SRPK2: variants seen among roughly 807,000 people sequenced by gnomAD.
The protein encoded by SRPK2 is SRSF protein kinase 2, also known as SFRS protein kinase 2.
Under a neutral mutation model 90.8 loss-of-function variants are expected in SRPK2, and 21 were observed. The ratio of observed to expected loss-of-function variants is 0.23; its 90% confidence interval spans 0.16 to 0.33. The LOEUF (loss-of-function observed/expected upper bound fraction) is 0.33. Among genes scored for constraint, SRPK2 ranks in the 10% least tolerant of loss-of-function variants. The probability of loss-of-function intolerance (pLI) is 1.00; values close to 1 mark genes in which losing one functional copy is unlikely to be tolerated. For synonymous variants in SRPK2, 288 were observed against 311.1 expected (o/e 0.93, Z 0.78); for missense variants, 620 against 869.0 (o/e 0.71, Z 3.60).
rs756059013 is a variant in SRPK2 at position 105,303,939 on chromosome 7, C to CT, written c.71+84708dup. Among the ~76,000 whole-genome samples the CT allele has an allele frequency of 4.7e-3, 719 of 152,184 alleles. 5 individuals carry two copies. Among genetic ancestry groups the CT allele is most frequent in the Non-Finnish European group, 7.6e-3 (518 of 67,990 alleles). ...ACTGTTTTGGATCTTTTGTTAACAG[C>CT]TGAAAAAAACAGAAATATTTTGAGA... On this transcript the variant is annotated intron_variant, in intron 2 of 15. Transcript: ENST00000393651.
At chr7:105,178,193 A>G (rs552018981) in intron 3 of SRPK2, among the ~76,000 whole-genome samples, 10 of 152,276 alleles carry the variant, frequency 6.6e-5, no homozygotes, top group Non-Finnish European at 1.3e-4. Context: ...TTTAAATTAC[A>G]TTCACCACAG....
At chr7:105,249,300 T>G (rs1367347231) in intron 2 of SRPK2, among the ~76,000 whole-genome samples, 1 of 152,218 alleles carries the variant, frequency 6.6e-6, no homozygotes, top group Non-Finnish European at 1.5e-5. Context: ...TACTGGTTTT[T>G]TTAATCTACA....
At chr7:105,229,185 C>T (rs1336297575) in intron 2 of SRPK2, among the ~76,000 whole-genome samples, 5 of 152,130 alleles carry the variant, frequency 3.3e-5, no homozygotes, top group Non-Finnish European at 5.9e-5. Context: ...ATCCTTTGGC[C>T]GAGCAAGGTG....
At chr7:105,178,949 A>C (rs977415457) in intron 3 of SRPK2, among the ~76,000 whole-genome samples, 16 of 152,178 alleles carry the variant, frequency 1.1e-4, no homozygotes, top group Admixed American at 7.9e-4. Flanking sequence ...AATAATAATA[A>C]TACTATCAAA....
upstream of SRPK2, among the ~76,000 whole-genome samples, chr7:105,391,937 G>A (rs1041853615): frequency 2.0e-5 from 3 of 152,080 alleles, no homozygotes; most frequent in Non-Finnish European, 4.4e-5. Context: ...ACAGCCAAAA[G>A]GTGGAAAAAA....
intron 2 of SRPK2, among the ~76,000 whole-genome samples, chr7:105,326,489 T>C (rs1052772430): frequency 6.6e-6 from 1 of 152,222 alleles, no homozygotes; most frequent in Non-Finnish European, 1.5e-5. Flanking sequence ...GTGCACTGAT[T>C]TGCCCAATAT....
At chr7:105,170,082 T>C (rs1790614780) in intron 3 of SRPK2, among the ~76,000 whole-genome samples, 1 of 152,152 alleles carries the variant, frequency 6.6e-6, no homozygotes, top group Non-Finnish European at 1.5e-5. Context: ...CCCAAAGTGC[T>C]GGGATTATAG....
chr7:105,191,483 G>C (rs188391418), intron 3 of SRPK2, among the ~76,000 whole-genome samples: 4 of 152,178 alleles, frequency 2.6e-5, no homozygotes, highest in African/African-American at 2.4e-5. Flanking sequence ...GCTTGAGCCT[G>C]GGAGGTTGTA....
intron 7 of SRPK2, among the ~76,000 whole-genome samples, chr7:105,158,304 G>C (rs913284071): frequency 2.6e-5 from 4 of 151,474 alleles, no homozygotes; most frequent in Non-Finnish European, 5.9e-5. Flanking sequence ...GCCCAGGCTG[G>C]AGTGCAGTGG....
chr7:105,300,772 T>C (rs930117428), intron 2 of SRPK2, among the ~76,000 whole-genome samples: 2 of 152,092 alleles, frequency 1.3e-5, no homozygotes, highest in African/African-American at 4.8e-5. Flanking sequence ...AAAATGCTCA[T>C]CATCACTAGT....
chr7:105,160,831 G>A (rs1807504681), intron 6 of SRPK2, among the ~76,000 whole-genome samples: 1 of 152,144 alleles, frequency 6.6e-6, no homozygotes, highest in South Asian at 2.1e-4. Context: ...CAGGAGATTG[G>A]TTCCAGGACC....
intron 7 of SRPK2, among the ~76,000 whole-genome samples, chr7:105,158,515 A>C (rs542297984): frequency 7.4e-4 from 113 of 152,264 alleles, no homozygotes; most frequent in African/African-American, 2.5e-3. Context: ...GGCCGCCCAA[A>C]GTGCTGGGAT....
At chr7:105,130,814 A>C (rs1801894909) in intron 13 of SRPK2, among the ~76,000 whole-genome samples, 1 of 151,990 alleles carries the variant, frequency 6.6e-6, no homozygotes, top group Non-Finnish European at 1.5e-5. Context: ...AAAAAAAAAA[A>C]AACCTCCCTT....
intron 2 of SRPK2, among the ~76,000 whole-genome samples, chr7:105,334,812 C>T (rs570385603): frequency 6.8e-6 from 1 of 147,122 alleles, no homozygotes; most frequent in Non-Finnish European, 1.5e-5. Context: ...TGCACTCCAG[C>T]CTTCCAGCCT....
intron 2 of SRPK2, among the ~76,000 whole-genome samples, chr7:105,329,749 A>G (rs910690115): frequency 6.6e-6 from 1 of 151,826 alleles, no homozygotes; most frequent in African/African-American, 2.4e-5. Context: ...GCTTAAGAAC[A>G]CCCGGCATGG....
intron 2 of SRPK2, among the ~76,000 whole-genome samples, chr7:105,351,110 T>C (rs1178680640): frequency 6.6e-6 from 1 of 152,132 alleles, no homozygotes; most frequent in Non-Finnish European, 1.5e-5. Context: ...AACCTATTCA[T>C]GGATTAATGA....
At chr7:105,291,279 T>G (rs1808979957) in intron 2 of SRPK2, among the ~76,000 whole-genome samples, 1 of 152,146 alleles carries the variant, frequency 6.6e-6, no homozygotes, top group Non-Finnish European at 1.5e-5. Flanking sequence ...AGAAATAAAA[T>G]GAGGTATGCC....
chr7:105,142,933 G>A (rs1804005001), intron 10 of SRPK2, 151 bp downstream of exon 10: 2 of 1,012,538 alleles, frequency 2.0e-6, no homozygotes, highest in Non-Finnish European at 2.9e-6. Flanking sequence ...GAAGTACGAG[G>A]CTATTTCCCA....
At chr7:105,227,609 A>T (rs923654496) in intron 2 of SRPK2, among the ~76,000 whole-genome samples, 2 of 152,116 alleles carry the variant, frequency 1.3e-5, no homozygotes, top group Non-Finnish European at 2.9e-5. Flanking sequence ...GAAATTAAAA[A>T]TCTCTTACAC....
Sources: gnomAD v4.1 joint callset for allele counts (sites outside exome capture counted in the v4.1 genomes callset) on GRCh38, gnomAD v4.1.1 for gene constraint, MANE v1.5 for transcripts, NCBI Gene and HGNC (gene_info 2026-07-23, HGNC 2026-07-21) for gene names.